VPS54: variants seen among roughly 807,000 people sequenced by gnomAD.
The protein encoded by VPS54 is vacuolar protein sorting-associated protein 54.
A neutral mutation model predicts 121.5 loss-of-function variants in VPS54; 45 were observed. The ratio of observed to expected loss-of-function variants is 0.37; its 90% CI spans 0.29 to 0.47. The LOEUF (loss-of-function observed/expected upper bound fraction) is 0.47. Ranked by LOEUF, VPS54 falls within the 20% of genes least tolerant of loss-of-function variation. VPS54 has a pLI of 0.99. For missense variants in VPS54, 1,090 were observed against 1,131.4 expected (o/e 0.96, Z 0.52); for synonymous variants, 371 against 385.8 (o/e 0.96, Z 0.45).
rs367698843 is a variant in VPS54, at chr2:63,965,787, G to A, written c.624+48C>T. ...AATCTGAACCCAAGCAAACAGTACC[G>A]CTTAACTAGAATAGTTTCCTACATG... is the stretch of plus-strand genomic sequence containing the variant. On this transcript the variant is annotated intron_variant, in intron 6 of 22. Coordinates refer to ENST00000272322, the MANE Select transcript of VPS54 (RefSeq NM_016516.3). 6.8e-5 allele frequency: 109 copies of A among 1,598,708 alleles called. No individual in the cohort carries two copies. The East Asian group carries it at 1.5e-3, about 22-fold the overall frequency.
At chr2:63,973,470 T>C (rs1323523930) in intron 3 of VPS54, among the ~76,000 whole-genome samples, 1 of 152,194 alleles carries the variant, frequency 6.6e-6, no homozygotes, top group East Asian at 1.9e-4. Flanking sequence ...TGGGAAAAGG[T>C]CTATTCAAAG....
intron 8 of VPS54, 119 bp downstream of exon 8, chr2:63,948,918 A>G (rs1675113585): frequency 3.2e-6 from 4 of 1,234,262 alleles, no homozygotes; most frequent in Middle Eastern, 2.6e-4. Flanking sequence ...AGGACTTCAT[A>G]GGTCTGATAG....
chr2:63,938,059 G>GTGGTGTGTGTGTGTGTGT (rs9309357), intron 11 of VPS54, among the ~76,000 whole-genome samples: 6 of 140,380 alleles, frequency 4.3e-5, no homozygotes, highest in Admixed American at 7.1e-5. Context: ...TGGTGTGTGT[G>GTGGTGTGTGTGTGTGTGT]GTGTGTGTGT....
chr2:63,970,017 A>G (rs779013859), intron 4 of VPS54, among the ~76,000 whole-genome samples: 1 of 151,386 alleles, frequency 6.6e-6, no homozygotes, highest in African/African-American at 2.4e-5. Context: ...GCCAATCCCA[A>G]CTCAGATAAG....
At chr2:63,955,196 C>G (rs978146968) in intron 7 of VPS54, among the ~76,000 whole-genome samples, 1 of 151,786 alleles carries the variant, frequency 6.6e-6, no homozygotes, top group African/African-American at 2.4e-5. Context: ...CTTAGATAAA[C>G]AATTCATCTA....
At chr2:63,992,187 AAAG>A (rs1363677886) in intron 1 of VPS54, among the ~76,000 whole-genome samples, 5 of 152,240 alleles carry the variant, frequency 3.3e-5, no homozygotes, top group Admixed American at 2.0e-4. Flanking sequence ...TGTTTTAAAC[AAAG>A]GAGATAAGAC....
At chr2:63,928,675 T>A (rs1448613843) in intron 12 of VPS54, among the ~76,000 whole-genome samples, 1 of 152,012 alleles carries the variant, frequency 6.6e-6, no homozygotes, top group Non-Finnish European at 1.5e-5. Context: ...ACCTTAAATG[T>A]AAATGGGCTA....
chr2:63,963,251 A>G (rs1381345653), intron 6 of VPS54, among the ~76,000 whole-genome samples: 2 of 152,088 alleles, frequency 1.3e-5, no homozygotes, highest in Non-Finnish European at 2.9e-5. Context: ...ACCTTAAACA[A>G]TTAGCTCATA....
At chr2:63,907,970 C>T (rs1158854566) in intron 20 of VPS54, among the ~76,000 whole-genome samples, 6 of 152,010 alleles carry the variant, frequency 3.9e-5, no homozygotes, top group African/African-American at 7.2e-5. Flanking sequence ...CAAAATGATG[C>T]GTTTTAGAAA....
At chr2:63,970,544 T>C (rs1676235491) in intron 4 of VPS54, among the ~76,000 whole-genome samples, 1 of 152,110 alleles carries the variant, frequency 6.6e-6, no homozygotes, top group African/African-American at 2.4e-5. Flanking sequence ...TATTGAGGTT[T>C]CTGGAACTGC....
At chr2:63,974,989 G>C in intron 3 of VPS54, 1 of 1,549,690 alleles carries the variant, frequency 6.5e-7, no homozygotes, top group Non-Finnish European at 8.7e-7. Context: ...TCCTTACCTT[G>C]ATCCTGTTCT....
intron 1 of VPS54, among the ~76,000 whole-genome samples, chr2:64,017,063 C>T (rs1206827817): frequency 1.4e-5 from 2 of 146,906 alleles, no homozygotes; most frequent in Non-Finnish European, 3.0e-5. Context: ...TGGGCCGGGG[C>T]CGGGGCGGTG....
rs181086597 is a variant in VPS54, at chr2:63,911,953, A to T, written c.2625+392T>A. On this transcript the variant is annotated intron_variant, in intron 20 of 22. Coordinates refer to ENST00000272322, the MANE Select transcript of VPS54 (RefSeq NM_016516.3). ...GGAACACTGCTTCATTTAATGACATATTGGGAATGAAAAACAAACAAGAAA... is the reference window on the plus strand; with the variant it reads ...GGAACACTGCTTCATTTAATGACATTTTGGGAATGAAAAACAAACAAGAAA... Among the ~76,000 whole-genome samples, 160 of 152,332 alleles carry T rather than the reference A, an allele frequency of 1.1e-3. 1 individual carries two copies. Among genetic ancestry groups the T allele is most frequent in the Middle Eastern group, 3.4e-3 (1 of 294 alleles).
intron 14 of VPS54, 44 bp from the exon 15 acceptor site, chr2:63,920,039 A>G (rs1440612469): frequency 6.7e-7 from 1 of 1,498,506 alleles, no homozygotes; most frequent in East Asian, 2.3e-5. Flanking sequence ...TTAACATTTC[A>G]ATACCATCTT....
Position 63,972,236 on chromosome 2 carries a change from C to A in VPS54, c.387G>T (p.Lys129Asn), listed in dbSNP as rs1015562187. 4 of 1,587,066 alleles carry A rather than the reference C, an allele frequency of 2.5e-6. No homozygotes were observed. The highest frequency in any genetic ancestry group is 2.7e-5 in the African/African-American group (2 of 74,584). ...VYQQEISQRE[K>N]IHERCKNICP... ...AAATATTCTTGCATCTCTCATGAAT[C>A]TTCTCTCTCTAATAAAAAGACAAAT... is the stretch of plus-strand genomic sequence containing the variant. Residue 129 changes from lysine (K) to asparagine (N), a missense_variant, in exon 4 of 23, where the codon AAG becomes AAT. By Grantham distance (94) the Lys-to-Asn change is moderately conservative (BLOSUM62 0). This residue lies in a region of VPS54 where 801 missense variants were observed against 757.0 expected (regional missense o/e 1.06). Coordinates refer to ENST00000272322, the MANE Select transcript of VPS54 (RefSeq NM_016516.3).
At chr2:63,954,499 G>A (rs917870390) in intron 7 of VPS54, among the ~76,000 whole-genome samples, 1 of 152,034 alleles carries the variant, frequency 6.6e-6, no homozygotes, top group Non-Finnish European at 1.5e-5. Flanking sequence ...GTCCTTCAAA[G>A]GGTGACCAAA....
At chr2:63,907,948 C>A (rs1454083308) in intron 20 of VPS54, among the ~76,000 whole-genome samples, 2 of 152,036 alleles carry the variant, frequency 1.3e-5, no homozygotes, top group Non-Finnish European at 2.9e-5. Flanking sequence ...TTCTACATGG[C>A]AAGTAAAAAG....
chr2:63,896,956 G>A (rs1672467741), intron 22 of VPS54, among the ~76,000 whole-genome samples: 1 of 152,098 alleles, frequency 6.6e-6, no homozygotes, highest in African/African-American at 2.4e-5. Context: ...GCTAGTAAGT[G>A]ACAGAACTAG....
intron 1 of VPS54, among the ~76,000 whole-genome samples, chr2:63,987,920 A>G (rs1320254488): frequency 6.6e-6 from 1 of 152,024 alleles, no homozygotes; most frequent in Non-Finnish European, 1.5e-5. Context: ...TCATTTTTTG[A>G]TGAATTCTTT....
Sources: gnomAD v4.1 joint callset for allele counts (sites outside exome capture counted in the v4.1 genomes callset) on GRCh38, gnomAD v4.1.1 for gene constraint, gnomAD v4.1.1 regional missense constraint, MANE v1.5 for transcripts, NCBI Gene and HGNC (gene_info 2026-07-23, HGNC 2026-07-21) for gene names.